Variants in CSMD1 observed in about 807,000 individuals in gnomAD.
The protein encoded by CSMD1 is CUB and sushi domain-containing protein 1.
In CSMD1, 213 loss-of-function variants were observed where a neutral mutation model predicts 417.5. The observed-to-expected ratio is 0.51, with a 90% CI of 0.46 to 0.57. The LOEUF is 0.57. Ranked by LOEUF, CSMD1 falls within the 20% of genes least tolerant of loss-of-function variation. CSMD1 has a pLI of 0.00. For synonymous variants in CSMD1, 2,862 were observed against 1,736.8 expected, an observed-to-expected ratio of 1.65 and a Z score of -16.11; for missense variants, 6,923 against 4,529.7, an observed-to-expected ratio of 1.53 and a Z score of -15.17.
At chr8:3,165,394 G>A (rs370822618) in intron 37 of CSMD1, among the ~76,000 whole-genome samples, 3 of 151,932 alleles carry the variant, frequency 2.0e-5, no homozygotes, top group African/African-American at 7.2e-5. Context: ...AAGTCATCAT[G>A]AGAACAGTGG....
chr8:3,417,145 G>A (rs79006756), intron 12 of CSMD1, among the ~76,000 whole-genome samples: 7,023 of 152,202 alleles, frequency 0.046, 422 homozygotes, highest in East Asian at 0.22. Context: ...AATATAGCAG[G>A]TTGCTGCAGT....
chr8:3,065,674 G>T, intron 49 of CSMD1, among the ~76,000 whole-genome samples: 1 of 152,158 alleles, frequency 6.6e-6, no homozygotes, highest in East Asian at 1.9e-4. Flanking sequence ...TCAATCGCTA[G>T]GTTGATTGGC....
chr8:3,168,948 A>T (rs1193945209), intron 37 of CSMD1, among the ~76,000 whole-genome samples: 1 of 152,134 alleles, frequency 6.6e-6, no homozygotes, highest in African/African-American at 2.4e-5. Context: ...AGGGGCTCAC[A>T]AATTATATTA....
At position 3,571,959 on chromosome 8, in the gene CSMD1, G is replaced by A. The variant is rs985823610; in HGVS notation, c.1344+2986C>T. Among the ~76,000 whole-genome samples, 4 of 152,132 alleles carry A rather than the reference G, an allele frequency of 2.6e-5. No homozygotes were observed. In the East Asian group the frequency reaches 7.7e-4, roughly 29 times the overall value. On this transcript the variant is annotated intron_variant, in intron 10 of 69. Transcript: ENST00000635120. The stretch of plus-strand genomic sequence containing the variant: ...ACTGCGTGTTCAAGTTCGTCTCCTC[G>A]TGGATCCCCCTAAAGCGCAGCCTTC...
chr8:4,614,551 C>T (rs542380160), intron 2 of CSMD1, among the ~76,000 whole-genome samples: 38 of 152,210 alleles, frequency 2.5e-4, no homozygotes, highest in Non-Finnish European at 4.4e-4. Flanking sequence ...GCGGAAGTAT[C>T]TAGAACTTAG....
At chr8:4,067,738 T>A (rs566537184) in intron 3 of CSMD1, among the ~76,000 whole-genome samples, 1 of 152,324 alleles carries the variant, frequency 6.6e-6, no homozygotes, top group South Asian at 2.1e-4. Flanking sequence ...AAGGAACGTG[T>A]TATTCTTTGG....
intron 51 of CSMD1, among the ~76,000 whole-genome samples, chr8:3,022,676 A>C (rs1809539658): frequency 1.0e-5 from 1 of 97,914 alleles, no homozygotes; most frequent in South Asian, 3.4e-4. Context: ...AATACATTCT[A>C]GCTAAAAAAA....
At chr8:3,243,848 AT>A (rs1414696485) in intron 26 of CSMD1, among the ~76,000 whole-genome samples, 10 of 151,848 alleles carry the variant, frequency 6.6e-5, no homozygotes, top group Non-Finnish European at 1.3e-4. Context: ...AAGTTTTGTT[AT>A]TTTCCTTTTT....
At chr8:4,930,717 T>A (rs978985500) in intron 1 of CSMD1, among the ~76,000 whole-genome samples, 5 of 152,310 alleles carry the variant, frequency 3.3e-5, no homozygotes, top group Admixed American at 3.3e-4. Context: ...TAATACCATA[T>A]AATTGTTACT....
At chr8:4,363,615 G>C (rs767555252) in intron 3 of CSMD1, among the ~76,000 whole-genome samples, 2 of 152,282 alleles carry the variant, frequency 1.3e-5, no homozygotes, top group East Asian at 3.9e-4. Flanking sequence ...CAACATCAAC[G>C]TCCCTGGGAA....
intron 5 of CSMD1, among the ~76,000 whole-genome samples, chr8:3,808,349 G>C (rs1022618651): frequency 3.3e-5 from 5 of 152,022 alleles, no homozygotes; most frequent in African/African-American, 1.2e-4. Context: ...GGAAATGTTT[G>C]GGTCTTGGTA....
intron 1 of CSMD1, among the ~76,000 whole-genome samples, chr8:4,657,494 T>A (rs1804309659): frequency 6.6e-6 from 1 of 152,086 alleles, no homozygotes; most frequent in Non-Finnish European, 1.5e-5. Context: ...TAAACATTAG[T>A]TAAAGGGACA....
chr8:4,290,758 A>G (rs946553444), intron 3 of CSMD1, among the ~76,000 whole-genome samples: 4 of 152,160 alleles, frequency 2.6e-5, no homozygotes, highest in African/African-American at 7.2e-5. Context: ...TTCATTTAGG[A>G]TTTCTATTCT....
intron 3 of CSMD1, among the ~76,000 whole-genome samples, chr8:4,224,366 A>C (rs915316377): frequency 1.1e-4 from 17 of 152,206 alleles, no homozygotes; most frequent in African/African-American, 4.1e-4. Context: ...GATGTTGCGC[A>C]ACAGCACATA....
In CSMD1 at chr8:4,452,565, A is replaced by C. The variant is rs192480447; in HGVS notation, c.303-32500T>G. On this transcript the variant is annotated intron_variant, in intron 2 of 69. Transcript: ENST00000635120. The stretch of plus-strand genomic sequence containing the variant: ...TAATTCACTTTTTCCAATCATTTTT[A>C]TCAAGAATATTAAACATCAGAAAAC... 1.3e-4 allele frequency among the ~76,000 whole-genome samples: 20 copies of C among 152,340 alleles called. No homozygotes were observed. The East Asian group carries it at 3.7e-3, about 28-fold the overall frequency.
At chr8:4,068,238 G>C (rs192098019) in intron 3 of CSMD1, among the ~76,000 whole-genome samples, 92 of 152,236 alleles carry the variant, frequency 6.0e-4, no homozygotes, top group Admixed American at 1.6e-3. Context: ...AGAAAATGAG[G>C]AGAACCCCTC....
chr8:3,382,576 T>C (rs1394234596), intron 18 of CSMD1, among the ~76,000 whole-genome samples: 2 of 142,450 alleles, frequency 1.4e-5, no homozygotes, highest in Admixed American at 7.3e-5. Flanking sequence ...TATATATCTA[T>C]AATAGATATA....
At chr8:4,660,596 C>G (rs1271344454) in intron 1 of CSMD1, among the ~76,000 whole-genome samples, 3 of 151,984 alleles carry the variant, frequency 2.0e-5, no homozygotes, top group African/African-American at 7.2e-5. Context: ...ACCAAAATCA[C>G]AATCTATAAA....
At chr8:3,138,635 C>G (rs1416796611) in intron 41 of CSMD1, among the ~76,000 whole-genome samples, 1 of 152,166 alleles carries the variant, frequency 6.6e-6, no homozygotes, top group Non-Finnish European at 1.5e-5. Flanking sequence ...TTCCGAATGA[C>G]TAACCAAAGA....
Sources: allele counts gnomAD v4.1 joint callset (sites outside exome capture counted in the v4.1 genomes callset), GRCh38; gene constraint gnomAD v4.1.1; transcripts MANE v1.5; gene names NCBI Gene and HGNC (gene_info 2026-07-23, HGNC 2026-07-21).